Variants in PLXDC1 observed in about 807,000 individuals in gnomAD.
PLXDC1 encodes plexin domain containing 1, also known as plexin domain-containing protein 1.
Under a neutral mutation model 61.3 loss-of-function variants are expected in PLXDC1, and 39 were observed. The ratio of observed to expected loss-of-function variants is 0.64; its 90% CI spans 0.49 to 0.83. The LOEUF is 0.83. Among genes scored for constraint, PLXDC1 ranks in the 40% least tolerant of loss-of-function variants. The probability of loss-of-function intolerance (pLI) is 0.00; values close to 1 mark genes in which losing one functional copy is unlikely to be tolerated. For missense variants in PLXDC1, 596 were observed against 666.5 expected (o/e 0.89, Z 1.17); for synonymous variants, 212 against 254.5 (o/e 0.83, Z 1.59).
At chr17:39,086,157 G>A (rs1309680621) in intron 8 of PLXDC1, among the ~76,000 whole-genome samples, 1 of 152,206 alleles carries the variant, frequency 6.6e-6, no homozygotes, top group Non-Finnish European at 1.5e-5. Flanking sequence ...GCTCCTAAAT[G>A]CAGTTTTATC....
In PLXDC1 at chr17:39,085,795, C is replaced by A. The variant is rs540307946; in HGVS notation, c.907+1812G>T. ...CCAGGGGATACAGAGAGTTTTCTCCCTATCTGGTTTCCCAGGGGCTCAAAT... is the reference window on the plus strand; with the variant it reads ...CCAGGGGATACAGAGAGTTTTCTCCATATCTGGTTTCCCAGGGGCTCAAAT... On this transcript the variant is annotated intron_variant, in intron 8 of 13. Transcript: ENST00000315392. Among the ~76,000 whole-genome samples, 27 of 152,240 alleles carry A rather than the reference C, an allele frequency of 1.8e-4. 1 individual carries two copies. Among genetic ancestry groups the A allele is most frequent in the African/African-American group, 6.3e-4 (26 of 41,536 alleles).
rs945436865 is a variant in PLXDC1, at chr17:39,088,146, C to T, written c.812-444G>A. ...CCAGGTGCCCCCCTCCCACTGCACT[C>T]ACCACACTGTGGACATGAGGGTCTA... is the stretch of plus-strand genomic sequence containing the variant. On this transcript the variant is annotated intron_variant, in intron 7 of 13. Coordinates refer to ENST00000315392, the MANE Select transcript of PLXDC1 (RefSeq NM_020405.5). Among the ~76,000 whole-genome samples the T allele has an allele frequency of 2.0e-5, 3 of 152,342 alleles. No individual in the cohort carries two copies. The East Asian group carries it at 5.8e-4, about 29-fold the overall frequency.
intron 7 of PLXDC1, chr17:39,096,990 A>G: frequency 6.4e-6 from 3 of 471,262 alleles, no homozygotes; most frequent in Non-Finnish European, 1.3e-5. Context: ...AAGAGTTTAT[A>G]CGAGGAAGTA....
intron 9 of PLXDC1, chr17:39,080,796 C>CAGAT (rs1909528616): frequency 6.6e-6 from 1 of 152,302 alleles, no homozygotes; most frequent in South Asian, 2.1e-4. Context: ...ACAACTCCTG[C>CAGAT]AGATGCACAC....
chr17:39,082,564 A>T (rs533625754), intron 9 of PLXDC1, among the ~76,000 whole-genome samples: 1 of 7,118 alleles, frequency 1.4e-4, no homozygotes, highest in African/African-American at 8.3e-4. Flanking sequence ...AAACTCTCTC[A>T]AAAAAAAAAA....
intron 8 of PLXDC1, among the ~76,000 whole-genome samples, chr17:39,083,771 A>C (rs560037423): frequency 6.6e-6 from 1 of 151,880 alleles, no homozygotes; most frequent in Non-Finnish European, 1.5e-5. Context: ...TGACCTGATC[A>C]TGGCTCACTA....
At chr17:39,117,086 G>C (rs1910994855) in intron 2 of PLXDC1, among the ~76,000 whole-genome samples, 1 of 152,230 alleles carries the variant, frequency 6.6e-6, no homozygotes, top group African/African-American at 2.4e-5. Flanking sequence ...CCAAGACCAA[G>C]CTCTTTCAGT....
chr17:39,106,865 T>G (rs1351000742), intron 6 of PLXDC1, among the ~76,000 whole-genome samples: 1 of 151,968 alleles, frequency 6.6e-6, no homozygotes, highest in African/African-American at 2.4e-5. Flanking sequence ...TTGGCCAGGC[T>G]GGTCTCGAAC....
intron 8 of PLXDC1, 71 bp downstream of exon 8, chr17:39,087,536 G>A (rs1909787244): frequency 8.4e-7 from 1 of 1,194,538 alleles, no homozygotes; most frequent in Non-Finnish European, 1.2e-6. Flanking sequence ...GTCAGTCATG[G>A]GCCTGGGACA....
chr17:39,112,823 T>TAA (rs1910856453), intron 2 of PLXDC1, among the ~76,000 whole-genome samples: 1 of 152,168 alleles, frequency 6.6e-6, no homozygotes, highest in Non-Finnish European at 1.5e-5. Context: ...CCCTAAATCC[T>TAA]GGGCTATCTT....
At chr17:39,125,441 C>T (rs1006073373) in intron 2 of PLXDC1, among the ~76,000 whole-genome samples, 3 of 152,006 alleles carry the variant, frequency 2.0e-5, no homozygotes, top group Admixed American at 1.3e-4. Flanking sequence ...TCTTAATACC[C>T]CTAACAGTTC....
intron 1 of PLXDC1, among the ~76,000 whole-genome samples, chr17:39,144,427 T>C (rs1306601516): frequency 1.3e-5 from 2 of 152,196 alleles, no homozygotes; most frequent in Admixed American, 1.3e-4. Flanking sequence ...ACCAGGACCC[T>C]GGCCTACCCT....
intron 2 of PLXDC1, among the ~76,000 whole-genome samples, chr17:39,120,969 C>T (rs1023232925): frequency 6.6e-6 from 1 of 152,064 alleles, no homozygotes. Context: ...GTTGGGATTA[C>T]AGGCATGAGC....
At chr17:39,130,751 G>A (rs1393906510) in intron 2 of PLXDC1, among the ~76,000 whole-genome samples, 3 of 151,828 alleles carry the variant, frequency 2.0e-5, no homozygotes, top group African/African-American at 7.3e-5. Context: ...TAGTAGAGAC[G>A]GGGTTTCACC....
At chr17:39,075,297 C>T (rs917207223) in intron 11 of PLXDC1, among the ~76,000 whole-genome samples, 2 of 152,244 alleles carry the variant, frequency 1.3e-5, no homozygotes, top group African/African-American at 2.4e-5. Context: ...AGCACCACCA[C>T]GTGCTCTGCT....
intron 1 of PLXDC1, among the ~76,000 whole-genome samples, chr17:39,147,682 G>A (rs2045351243): frequency 6.6e-6 from 1 of 152,062 alleles, no homozygotes; most frequent in Admixed American, 6.6e-5. Flanking sequence ...GGGAAGGGGA[G>A]GGGAGGGGAA....
intron 2 of PLXDC1, among the ~76,000 whole-genome samples, chr17:39,124,718 C>G (rs769593198): frequency 7.2e-5 from 11 of 152,240 alleles, no homozygotes; most frequent in African/African-American, 1.2e-4. Context: ...GCAACTTCAC[C>G]TCTCTGTTCC....
In PLXDC1 at chr17:39,094,375, A is replaced by G. The variant is rs187976067; in HGVS notation, c.812-6673T>C. The stretch of plus-strand genomic sequence containing the variant: ...CCTGACTTCCAGGGTGCCTGAGGCC[A>G]TAGGTTCTAGAGTCCAATGTCAACC... On this transcript the variant is annotated intron_variant, in intron 7 of 13. Transcript: ENST00000315392. Among the ~76,000 whole-genome samples, 14 of 152,306 alleles carry G rather than the reference A, an allele frequency of 9.2e-5. No individual in the cohort carries two copies. The East Asian group carries it at 2.7e-3, about 29-fold the overall frequency.
chr17:39,099,851 C>A (rs1008406007), intron 7 of PLXDC1, among the ~76,000 whole-genome samples: 3 of 152,036 alleles, frequency 2.0e-5, no homozygotes, highest in Non-Finnish European at 2.9e-5. Context: ...TAGCATGGCC[C>A]CCAGAGAGCC....
Sources: gnomAD v4.1 joint callset for allele counts (sites outside exome capture counted in the v4.1 genomes callset) on GRCh38, gnomAD v4.1.1 for gene constraint, MANE v1.5 for transcripts, NCBI Gene and HGNC (gene_info 2026-07-23, HGNC 2026-07-21) for gene names.